AGO2: variants seen among roughly 807,000 people sequenced by gnomAD.
AGO2 encodes argonaute RISC catalytic component 2, also known as protein argonaute-2.
Under a neutral mutation model 102.3 loss-of-function variants are expected in AGO2, and 5 were observed. The ratio of observed to expected loss-of-function variants is 0.05; its 90% CI spans 0.03 to 0.10. AGO2 has a LOEUF of 0.10. AGO2 is among the 10% of genes least tolerant of loss of function. The pLI, the probability that AGO2 is intolerant of heterozygous loss-of-function variation, is 1.00. For missense variants in AGO2, 541 were observed against 1,183.7 expected (o/e 0.46, Z 7.97); for synonymous variants, 449 against 473.1 (o/e 0.95, Z 0.66).
chr8:140,635,392 C>G lies in AGO2; in HGVS notation c.22+93G>C, dbSNP rs1055114812. 52 of 901,314 alleles carry G rather than the reference C, an allele frequency of 5.8e-5. No homozygotes were observed. The African/African-American group carries it at 8.9e-4, about 15-fold the overall frequency. 55.8% of individuals were successfully genotyped at this position (901,314 alleles called of 1,614,324 possible). A position where few individuals can be genotyped will look rare whatever the true frequency, so the allele number is the denominator to read the frequency against. On this transcript the variant is annotated intron_variant, in intron 1 of 18. Transcript: ENST00000220592. ...CCGCCGCCCCGACCCCGCGGCCCCC[C>G]GATCCCCGGCCCCTGCCGCCCGCGC...
intron 2 of AGO2, among the ~76,000 whole-genome samples, chr8:140,581,341 C>T (rs2073553693): frequency 6.6e-6 from 1 of 152,186 alleles, no homozygotes; most frequent in Admixed American, 6.5e-5. Context: ...ATGGTGAAAC[C>T]CAGTCTCTAC....
Position 140,522,539 on chromosome 8 carries a change from AAAAG to A in AGO2, c.*9501_*9504del, listed in dbSNP as rs1423309864. ...AATCTCAGACTGGAGGGGAAAAAAAAAAAGAAACATGAAAAAAAAAAAAAACCCT... is the reference window on the plus strand; with the variant it reads ...AATCTCAGACTGGAGGGGAAAAAAAAAAACATGAAAAAAAAAAAAAACCCT... On this transcript the variant is annotated 3_prime_UTR_variant, in exon 19 of 19. Coordinates refer to ENST00000220592, the MANE Select transcript of AGO2 (RefSeq NM_012154.5). The A allele has an allele frequency of 8.2e-6, 1 of 121,972 alleles. No homozygotes were observed. Among genetic ancestry groups the A allele is most frequent in the Non-Finnish European group, 1.6e-5 (1 of 61,418 alleles). The allele number at this position is 121,972 out of a possible 1,614,324, so 7.6% of individuals were successfully genotyped here.
chr8:140,603,571 TTC>T (rs1201561655), intron 1 of AGO2, among the ~76,000 whole-genome samples: 2 of 152,224 alleles, frequency 1.3e-5, no homozygotes, highest in African/African-American at 2.4e-5. Context: ...CGCACCTGCA[TTC>T]TGTCTCAATG....
In AGO2 at chr8:140,594,825, C is replaced by CTGTGTG. The variant is rs56012516; in HGVS notation, c.23-9520_23-9515dup. 7.5e-3 allele frequency among the ~76,000 whole-genome samples: 1,101 copies of CTGTGTG among 146,120 alleles called. 10 individuals are homozygous for CTGTGTG. The highest frequency in any genetic ancestry group is 0.022 in the African/African-American group (880 of 39,304). ...ACCCGTCTCGACGGAAAGAAAAAAACTGTGTGTGTGTGTGTGTGTGTGTGT... is the reference window on the plus strand; with the variant it reads ...ACCCGTCTCGACGGAAAGAAAAAAACTGTGTGTGTGTGTGTGTGTGTGTGTGTGTGT... On this transcript the variant is annotated intron_variant, in intron 1 of 18. Transcript: ENST00000220592.
chr8:140,587,520 G>A (rs906566907), intron 1 of AGO2, among the ~76,000 whole-genome samples: 3 of 152,220 alleles, frequency 2.0e-5, no homozygotes, highest in Non-Finnish European at 2.9e-5. Flanking sequence ...AGTCCCACGT[G>A]TAAGCTGCAG....
intron 1 of AGO2, among the ~76,000 whole-genome samples, chr8:140,600,557 G>A (rs1188579807): frequency 2.6e-5 from 4 of 152,172 alleles, no homozygotes; most frequent in Non-Finnish European, 4.4e-5. Context: ...GCGCATGCCT[G>A]TAATCCCAGC....
At chr8:140,627,169 G>A (rs1179297738) in intron 1 of AGO2, among the ~76,000 whole-genome samples, 1 of 152,234 alleles carries the variant, frequency 6.6e-6, no homozygotes, top group African/African-American at 2.4e-5. Context: ...AGAGAAGCCT[G>A]GGAATGTGGG....
upstream of AGO2, among the ~76,000 whole-genome samples, chr8:140,639,696 C>T (rs2074430162): frequency 6.6e-6 from 1 of 152,134 alleles, no homozygotes; most frequent in African/African-American, 2.4e-5. Flanking sequence ...TTGCTTGAGC[C>T]CAGGAGGTCG....
In AGO2 at chr8:140,562,443, G is replaced by A; in HGVS notation, c.518+10C>T. On this transcript the variant is annotated intron_variant, in intron 4 of 18. Transcript: ENST00000220592. ...AGTCCCCCGCCCTTGGTCCCGTGTGGCGCCCTCACCTCATGGATGGCAAGT... is the reference window on the plus strand; with the variant it reads ...AGTCCCCCGCCCTTGGTCCCGTGTGACGCCCTCACCTCATGGATGGCAAGT... 1 of 1,604,906 alleles carries A rather than the reference G, an allele frequency of 6.2e-7. No individual in the cohort carries two copies. The highest frequency in any genetic ancestry group is 8.5e-7 in the Non-Finnish European group (1 of 1,174,390).
At chr8:140,569,102 G>A (rs955849719) in intron 3 of AGO2, among the ~76,000 whole-genome samples, 2 of 152,338 alleles carry the variant, frequency 1.3e-5, no homozygotes, top group East Asian at 3.9e-4. Context: ...CTTGCTGCCA[G>A]ACACCCCCAT....
chr8:140,538,017 G>A (rs2072727214), intron 16 of AGO2, among the ~76,000 whole-genome samples: 1 of 151,688 alleles, frequency 6.6e-6, no homozygotes, highest in African/African-American at 2.4e-5. Context: ...ATGGGGTTTC[G>A]CCATGTTGGC....
chr8:140,579,185 T>G (rs1289536622), intron 2 of AGO2, among the ~76,000 whole-genome samples: 1 of 150,926 alleles, frequency 6.6e-6, no homozygotes, highest in African/African-American at 2.4e-5. Context: ...ACTGCGTCAC[T>G]GCACTCCAGC....
Position 140,589,854 on chromosome 8 carries a change from G to C in AGO2, c.23-4543C>G, listed in dbSNP as rs1332504958. On this transcript the variant is annotated intron_variant, in intron 1 of 18. Transcript: ENST00000220592. This position sits in a 1 kb window ranked among gnomAD's most constrained non-coding sequence, Gnocchi z 4.2. ...CTCAGTGAGTACAGACCAGAGAGTA[G>C]ATGCTATCAAGCTGTACTCTCCTGC... 6.6e-6 allele frequency among the ~76,000 whole-genome samples: 1 copy of C among 151,966 alleles called. No homozygotes were observed. Among genetic ancestry groups the C allele is most frequent in the East Asian group, 1.9e-4 (1 of 5,150 alleles).
chr8:140,538,647 G>A (rs890302188), intron 16 of AGO2, among the ~76,000 whole-genome samples: 3 of 152,174 alleles, frequency 2.0e-5, no homozygotes, highest in Non-Finnish European at 4.4e-5. Flanking sequence ...GGGACCTGCC[G>A]GGAGGGTCCG....
chr8:140,581,515 T>C (rs972837230), intron 2 of AGO2, among the ~76,000 whole-genome samples: 13 of 151,620 alleles, frequency 8.6e-5, no homozygotes, highest in Non-Finnish European at 1.6e-4. Flanking sequence ...CAAGATCCTG[T>C]CTCTAAAAAA....
chr8:140,552,503 T>C (rs537227051), intron 10 of AGO2, among the ~76,000 whole-genome samples: 1 of 151,886 alleles, frequency 6.6e-6, no homozygotes, highest in African/African-American at 2.4e-5. Context: ...GAGGTTTTTG[T>C]TTTTTTTAGC....
rs2072784610 is a variant in AGO2 at position 140,540,879 on chromosome 8, G to A, written c.2034+285C>T. Among the ~76,000 whole-genome samples the A allele has an allele frequency of 6.6e-6, 1 of 152,116 alleles. No homozygotes were observed. Among genetic ancestry groups the A allele is most frequent in the African/African-American group, 2.4e-5 (1 of 41,428 alleles). ...AAGCCCCCAGATGGAGCTCTGCTCTGCAAGTCAGCGGAACTCAAGCGTCTC... is the reference window on the plus strand; with the variant it reads ...AAGCCCCCAGATGGAGCTCTGCTCTACAAGTCAGCGGAACTCAAGCGTCTC... On this transcript the variant is annotated intron_variant, in intron 15 of 18. Coordinates refer to ENST00000220592, the MANE Select transcript of AGO2 (RefSeq NM_012154.5). This position sits in a 1 kb window ranked among gnomAD's most constrained non-coding sequence, Gnocchi z 5.0.
At chr8:140,629,125 T>C (rs2074310729) in intron 1 of AGO2, among the ~76,000 whole-genome samples, 1 of 152,002 alleles carries the variant, frequency 6.6e-6, no homozygotes, top group Admixed American at 6.6e-5. Flanking sequence ...TTTTTAAAAA[T>C]TCTAAAAACT....
Position 140,544,999 on chromosome 8 carries a change from C to T in AGO2, c.1749-696G>A, listed in dbSNP as rs374808227. ...TGAGAGTGCACCGCCGCACACCCCA[C>T]CCAGCCTTGCTCGGCTGCTGCAGGC... On this transcript the variant is annotated intron_variant, in intron 13 of 18. Coordinates refer to ENST00000220592, the MANE Select transcript of AGO2 (RefSeq NM_012154.5). Among the ~76,000 whole-genome samples, 10 of 152,324 alleles carry T rather than the reference C, an allele frequency of 6.6e-5. No homozygotes were observed. In the East Asian group the frequency reaches 1.5e-3, roughly 24 times the overall value.
Sources: allele counts gnomAD v4.1 joint callset (sites outside exome capture counted in the v4.1 genomes callset), GRCh38; gene constraint gnomAD v4.1.1; non-coding constraint Gnocchi (gnomAD v3.1); transcripts MANE v1.5; gene names NCBI Gene and HGNC (gene_info 2026-07-23, HGNC 2026-07-21).